SEL1L: variants seen among roughly 807,000 people sequenced by gnomAD.
SEL1L encodes the protein SEL1L adaptor subunit of SYVN1 ubiquitin ligase.
A neutral mutation model predicts 109.8 loss-of-function variants in SEL1L; 52 were observed. That is an observed-to-expected ratio of 0.47 (90% CI 0.38 to 0.60). The LOEUF (loss-of-function observed/expected upper bound fraction) is 0.60. SEL1L is among the 20% of genes least tolerant of loss of function. The pLI is 0.00. For synonymous variants in SEL1L, 373 were observed against 339.6 expected (o/e 1.10, Z -1.08); for missense variants, 749 against 962.2 (o/e 0.78, Z 2.93).
Position 81,504,201 on chromosome 14 carries a change from T to C in SEL1L, c.614A>G (p.Glu205Gly). Residue 205 changes from glutamate to glycine, a missense_variant and splice_region_variant, in exon 5 of 21, where the codon GAA (glutamate) becomes GGA (glycine). Glu to Gly is a moderately conservative substitution (Grantham distance 98). This residue lies in a region of SEL1L where 366 missense variants were observed against 399.8 expected (regional missense o/e 0.92). Coordinates refer to ENST00000336735, the MANE Select transcript of SEL1L (RefSeq NM_005065.6). ...AAGTGGACTTAGCAGTGCTACCTAC[T>C]CTCTTTTTTGGCTTTTCTTATTGCT... is the stretch of plus-strand genomic sequence containing the variant. The part of the protein sequence containing the change: ...NGSNKKSQKR[E>G]AYRYLQKAAS... 6.3e-7 allele frequency: 1 copy of C among 1,579,222 alleles called. No homozygotes were observed. Among genetic ancestry groups the C allele is most frequent in the Admixed American group, 1.8e-5 (1 of 55,758 alleles).
chr14:81,526,642 A>C, intron 3 of SEL1L, 91 bp downstream of exon 3: 1 of 926,816 alleles, frequency 1.1e-6, no homozygotes, highest in Non-Finnish European at 1.7e-6. Flanking sequence ...TAATCAGTGA[A>C]GCCAGTCTTC....
chr14:81,499,355 A>C, intron 8 of SEL1L, 104 bp downstream of exon 8: 1 of 1,515,862 alleles, frequency 6.6e-7, no homozygotes, highest in Non-Finnish European at 8.8e-7. Context: ...TTTGGTCTTA[A>C]TACAAGCAAA....
At chr14:81,528,497 A>G (rs1885200299) in intron 1 of SEL1L, among the ~76,000 whole-genome samples, 2 of 152,106 alleles carry the variant, frequency 1.3e-5, no homozygotes, top group South Asian at 4.1e-4. Context: ...ATGTTTTCTG[A>G]CTATTACTTT....
chr14:81,489,531 T>C (rs1169281662), intron 13 of SEL1L, among the ~76,000 whole-genome samples: 1 of 152,160 alleles, frequency 6.6e-6, no homozygotes, highest in Non-Finnish European at 1.5e-5. Context: ...AAAGAGTAAA[T>C]AGTAAATTCA....
At chr14:81,494,213 T>C (rs904520956) in intron 11 of SEL1L, among the ~76,000 whole-genome samples, 3 of 152,220 alleles carry the variant, frequency 2.0e-5, no homozygotes, top group African/African-American at 7.2e-5. Flanking sequence ...ACCATCTTAC[T>C]GGTTGCTTAA....
chr14:81,517,298 G>T (rs955472019), intron 3 of SEL1L, among the ~76,000 whole-genome samples: 2 of 152,202 alleles, frequency 1.3e-5, no homozygotes, highest in African/African-American at 4.8e-5. Flanking sequence ...TGTATTGCAG[G>T]TGAGGCCTGT....
intron 20 of SEL1L, among the ~76,000 whole-genome samples, chr14:81,477,599 G>A (rs139994678): frequency 0.043 from 6,579 of 152,146 alleles, 485 homozygotes; most frequent in African/African-American, 0.15. Context: ...TATCACTTGA[G>A]GCCAGGAGTT....
In SEL1L at chr14:81,497,903, C is replaced by T; in HGVS notation, c.1117G>A (p.Val373Ile). ...GTTCAAACACGTACCTGTGCTTGTA[C>T]ATCACCTTTTTCAGCTAGGAACTGG... ...YYQFLAEKGD[V>I]QAQVGLGQLH... is the part of the protein sequence containing the mutation. Residue 373 changes from valine to isoleucine, a missense_variant, in exon 10 of 21, where the codon GTA (valine) becomes ATA (isoleucine). Val to Ile is a conservative substitution (Grantham distance 29). Transcript: ENST00000336735. 1.2e-6 allele frequency: 2 copies of T among 1,613,398 alleles called. No individual in the cohort carries two copies. The highest frequency in any genetic ancestry group is 1.1e-5 in the South Asian group (1 of 90,950).
At chr14:81,506,306 C>A in intron 3 of SEL1L, 65 bp from the exon 4 acceptor site, 1 of 1,377,448 alleles carries the variant, frequency 7.3e-7, no homozygotes, top group Non-Finnish European at 9.6e-7. Flanking sequence ...GGATTCAATG[C>A]CATCAATTTT....
intron 1 of SEL1L, among the ~76,000 whole-genome samples, chr14:81,529,096 C>T (rs975556223): frequency 1.3e-5 from 2 of 152,098 alleles, no homozygotes; most frequent in African/African-American, 4.8e-5. Flanking sequence ...TGTTTTACTT[C>T]TGGCAGGTGG....
At chr14:81,485,577 C>T in intron 18 of SEL1L, 95 bp downstream of exon 18, 1 of 1,091,048 alleles carries the variant, frequency 9.2e-7, no homozygotes. Context: ...CAGGCGTGAG[C>T]CACAGTACTC....
intron 20 of SEL1L, among the ~76,000 whole-genome samples, chr14:81,479,105 A>G (rs1595500234): frequency 6.6e-6 from 1 of 152,182 alleles, no homozygotes; most frequent in East Asian, 1.9e-4. Context: ...CCCACTTCCT[A>G]TATAGGTTCT....
chr14:81,485,454 T>G (rs1247674750), intron 18 of SEL1L, among the ~76,000 whole-genome samples: 4 of 151,162 alleles, frequency 2.6e-5, no homozygotes, highest in Admixed American at 6.6e-5. Flanking sequence ...TTTTTTTGTT[T>G]TTTTTTTTTT....
rs1341918772 is a variant in SEL1L, at chr14:81,474,853, GAAC to G, written c.*2116_*2118del. ...ACTAATAAGAAGTGTGTTTTTATAT[GAAC>G]AACAAGACTGCACTTTCCCATCCAG... is the stretch of plus-strand genomic sequence containing the variant. On this transcript the variant is annotated 3_prime_UTR_variant, in exon 21 of 21. Transcript: ENST00000336735. 3 of 152,142 alleles carry G rather than the reference GAAC, an allele frequency of 2.0e-5. No homozygotes were observed. Among genetic ancestry groups the G allele is most frequent in the African/African-American group, 4.8e-5 (2 of 41,434 alleles). The allele number at this position is 152,142 out of a possible 1,614,324, so 9.4% of individuals were successfully genotyped here. A position where few individuals can be genotyped will look rare whatever the true frequency, so the allele number is the denominator to read the frequency against.
chr14:81,484,471 C>T (rs1903458726), intron 18 of SEL1L, 74 bp from the exon 19 acceptor site: 2 of 1,337,842 alleles, frequency 1.5e-6, no homozygotes, highest in Admixed American at 2.0e-5. Context: ...TTTTCTCCTC[C>T]CATTGACATG....
At chr14:81,501,589 T>C (rs921431262) in intron 6 of SEL1L, among the ~76,000 whole-genome samples, 2 of 152,196 alleles carry the variant, frequency 1.3e-5, no homozygotes, top group Non-Finnish European at 2.9e-5. Context: ...CTGTTATGAC[T>C]CCTGTTATTG....
chr14:81,491,348 G>A (rs1883531101), intron 12 of SEL1L, among the ~76,000 whole-genome samples: 2 of 152,150 alleles, frequency 1.3e-5, no homozygotes, highest in African/African-American at 4.8e-5. Flanking sequence ...AAACAGAATG[G>A]TCAAGACTGT....
intron 3 of SEL1L, among the ~76,000 whole-genome samples, chr14:81,513,166 CTCTCTGT>C (rs1884556713): frequency 6.6e-6 from 1 of 152,216 alleles, no homozygotes; most frequent in Non-Finnish European, 1.5e-5. Context: ...CACCAATCAG[CTCTCTGT>C]AAAATGGACC....
At chr14:81,488,085 AATAG>A (rs1883385442) in intron 14 of SEL1L, 143 bp from the exon 15 acceptor site, 1 of 590,960 alleles carries the variant, frequency 1.7e-6, no homozygotes, top group African/African-American at 1.9e-5. Context: ...TAATTCTTAT[AATAG>A]ATAATAATAT....
Sources: gnomAD v4.1 joint callset for allele counts (sites outside exome capture counted in the v4.1 genomes callset) on GRCh38, gnomAD v4.1.1 for gene constraint, gnomAD v4.1.1 regional missense constraint, MANE v1.5 for transcripts, NCBI Gene and HGNC (gene_info 2026-07-23, HGNC 2026-07-21) for gene names.